The following EYS variants were observed in gnomAD, a reference collection of about 807,000 sequenced individuals.
EYS encodes the protein protein eyes shut homolog.
EYS carries 250 observed loss-of-function variants against 282.1 expected under a neutral mutation model. The observed-to-expected ratio is 0.89, with a 90% CI of 0.80 to 0.98. The LOEUF (loss-of-function observed/expected upper bound fraction) is 0.98, where lower values mean the gene tolerates loss of function less well. EYS is among the 50% of genes least tolerant of loss of function. The pLI is 0.00. For missense variants in EYS, 4,016 were observed against 3,709.0 expected (o/e 1.08, Z -2.15); for synonymous variants, 1,355 against 1,282.9 (o/e 1.06, Z -1.20).
chr6:65,627,876 C>A (rs1418100845), intron 2 of EYS, among the ~76,000 whole-genome samples: 1 of 152,240 alleles, frequency 6.6e-6, no homozygotes, highest in African/African-American at 2.4e-5. Flanking sequence ...AGCACCACCC[C>A]CTGCTCTACG....
chr6:64,105,385 A>G (rs1393561964), intron 31 of EYS, among the ~76,000 whole-genome samples: 1 of 152,124 alleles, frequency 6.6e-6, no homozygotes, highest in Non-Finnish European at 1.5e-5. Flanking sequence ...CTACACATGT[A>G]CAACCTTCTC....
intron 22 of EYS, among the ~76,000 whole-genome samples, chr6:64,739,146 C>CT (rs1233662991): frequency 2.0e-5 from 3 of 152,172 alleles, no homozygotes; most frequent in Non-Finnish European, 4.4e-5. Context: ...ATCAAATACT[C>CT]TTTTTCATCA....
At chr6:63,943,390 T>C (rs1765299935) in intron 35 of EYS, among the ~76,000 whole-genome samples, 2 of 152,216 alleles carry the variant, frequency 1.3e-5, no homozygotes, top group African/African-American at 4.8e-5. Context: ...CAAAAATGCC[T>C]AGTGAGGTAG....
At chr6:64,551,433 G>C (rs1221450017) in intron 26 of EYS, among the ~76,000 whole-genome samples, 1 of 151,498 alleles carries the variant, frequency 6.6e-6, no homozygotes, top group Non-Finnish European at 1.5e-5. Context: ...CTACCTGGGT[G>C]TCAAATCAAT....
intron 28 of EYS, among the ~76,000 whole-genome samples, chr6:64,415,196 G>C (rs1370645127): frequency 6.6e-6 from 1 of 152,146 alleles, no homozygotes. Context: ...TTAGCATCTG[G>C]TGGCAACCTT....
chr6:65,254,467 T>C (rs750101849), intron 12 of EYS, among the ~76,000 whole-genome samples: 1 of 151,850 alleles, frequency 6.6e-6, no homozygotes, highest in Non-Finnish European at 1.5e-5. Context: ...GAATGTTAAT[T>C]ATGAAAAGAA....
At chr6:65,098,176 T>C (rs549284633) in intron 12 of EYS, among the ~76,000 whole-genome samples, 36 of 150,908 alleles carry the variant, frequency 2.4e-4, no homozygotes, top group Non-Finnish European at 3.9e-4. Flanking sequence ...TGCTTTTCTT[T>C]TCCATTGCAG....
At chr6:63,744,863 C>T (rs113531965) in intron 41 of EYS, 111 of 287,118 alleles carry the variant, frequency 3.9e-4, no homozygotes, top group African/African-American at 1.9e-3. Context: ...CCACTGCGCC[C>T]GGCCAGATGG....
chr6:64,874,426 T>C (rs1017223329), intron 19 of EYS, among the ~76,000 whole-genome samples: 1 of 152,124 alleles, frequency 6.6e-6, no homozygotes, highest in African/African-American at 2.4e-5. Context: ...AGGATTTCCA[T>C]ACTTTAAAAA....
chr6:63,848,373 T>C (rs1772154097), intron 36 of EYS, among the ~76,000 whole-genome samples: 2 of 152,086 alleles, frequency 1.3e-5, no homozygotes, highest in Non-Finnish European at 2.9e-5. Context: ...GTTTTAAATA[T>C]GCCACTTTGG....
intron 12 of EYS, among the ~76,000 whole-genome samples, chr6:65,081,907 T>A (rs939402999): frequency 6.6e-6 from 1 of 152,080 alleles, no homozygotes; most frequent in Non-Finnish European, 1.5e-5. Flanking sequence ...ATTAGGGCTG[T>A]CACAGGCCAT....
At chr6:64,685,143 GA>G in intron 22 of EYS, among the ~76,000 whole-genome samples, 1 of 151,956 alleles carries the variant, frequency 6.6e-6, no homozygotes, top group Non-Finnish European at 1.5e-5. Context: ...ATATCAGACA[GA>G]AAAAGTCAAG....
chr6:65,269,408 G>C (rs1582083906), intron 12 of EYS, among the ~76,000 whole-genome samples: 1 of 152,146 alleles, frequency 6.6e-6, no homozygotes, highest in African/African-American at 2.4e-5. Context: ...CTCCAGACAA[G>C]TGTCATGTGT....
chr6:64,111,257 C>T (rs1773194244), intron 31 of EYS, among the ~76,000 whole-genome samples: 1 of 151,948 alleles, frequency 6.6e-6, no homozygotes, highest in Admixed American at 6.6e-5. Flanking sequence ...TTTATGTCTG[C>T]CTTAGAAGGC....
chr6:64,327,625 T>C (rs1399485116), intron 29 of EYS, among the ~76,000 whole-genome samples: 2 of 152,064 alleles, frequency 1.3e-5, no homozygotes, highest in Admixed American at 6.5e-5. Context: ...CCACCCTAAG[T>C]GGCTGCAGGC....
chr6:63,888,975 C>T (rs568883679), intron 35 of EYS, among the ~76,000 whole-genome samples: 6 of 152,154 alleles, frequency 3.9e-5, no homozygotes, highest in East Asian at 3.9e-4. Context: ...AAACATAGCA[C>T]GTAAACTTCA....
intron 12 of EYS, among the ~76,000 whole-genome samples, chr6:65,150,172 T>C (rs1243607729): frequency 6.6e-6 from 1 of 152,058 alleles, no homozygotes; most frequent in Non-Finnish European, 1.5e-5. Flanking sequence ...CCATATCACC[T>C]GTCATTATGG....
At chr6:65,273,577 G>C (rs565687939) in intron 12 of EYS, among the ~76,000 whole-genome samples, 2 of 151,886 alleles carry the variant, frequency 1.3e-5, no homozygotes, top group African/African-American at 4.8e-5. Flanking sequence ...AGTTTGAAGG[G>C]GAAAAAAAGA....
chr6:65,396,230 C>T (rs1312438264), intron 7 of EYS, among the ~76,000 whole-genome samples: 4 of 152,182 alleles, frequency 2.6e-5, no homozygotes, highest in Non-Finnish European at 5.9e-5. Context: ...TCTAACTCTA[C>T]AATCTACTCC....
Sources: gnomAD v4.1 joint callset for allele counts (sites outside exome capture counted in the v4.1 genomes callset) on GRCh38, gnomAD v4.1.1 for gene constraint, MANE v1.5 for transcripts, NCBI Gene and HGNC (gene_info 2026-07-23, HGNC 2026-07-21) for gene names.